The following INPP4B variants were observed in gnomAD, a reference collection of about 807,000 sequenced individuals.
INPP4B encodes the protein inositol polyphosphate-4-phosphatase type II B.
Under a neutral mutation model 122.5 loss-of-function variants are expected in INPP4B, and 55 were observed. The ratio of observed to expected loss-of-function variants is 0.45; its 90% CI spans 0.36 to 0.56. INPP4B has a LOEUF of 0.56. Among genes scored for constraint, INPP4B ranks in the 20% least tolerant of loss-of-function variants. INPP4B has a pLI of 0.00. For missense variants in INPP4B, 1,000 were observed against 1,097.7 expected, an observed-to-expected ratio of 0.91 and a Z score of 1.26; for synonymous variants, 403 against 388.7, an observed-to-expected ratio of 1.04 and a Z score of -0.43.
intron 1 of INPP4B, among the ~76,000 whole-genome samples, chr4:142,794,796 T>TA (rs769190965): frequency 2.0e-5 from 3 of 151,622 alleles, no homozygotes; most frequent in African/African-American, 4.8e-5. Flanking sequence ...AAAGGAGCAA[T>TA]AAAAAAACCC....
intron 23 of INPP4B, among the ~76,000 whole-genome samples, chr4:142,106,210 G>A (rs956580632): frequency 7.9e-5 from 12 of 152,198 alleles, no homozygotes; most frequent in Non-Finnish European, 4.4e-5. Flanking sequence ...TTTGCAAGGA[G>A]AGAAATATAT....
chr4:142,484,078 G>C (rs1025703829), intron 2 of INPP4B, among the ~76,000 whole-genome samples: 1 of 152,040 alleles, frequency 6.6e-6, no homozygotes, highest in African/African-American at 2.4e-5. Context: ...ATGCAGAAAG[G>C]AACACCTAAA....
intron 25 of INPP4B, chr4:142,030,324 G>T (rs1331966030): frequency 3.9e-6 from 6 of 1,530,230 alleles, no homozygotes; most frequent in Admixed American, 3.9e-5. Context: ...GGGGAAGTTG[G>T]GGGGGAAAAG....
intron 2 of INPP4B, among the ~76,000 whole-genome samples, chr4:142,474,959 A>C (rs992708315): frequency 1.3e-5 from 2 of 152,222 alleles, no homozygotes; most frequent in Admixed American, 1.3e-4. Flanking sequence ...ATAGCCAGAT[A>C]GGCCACACCT....
chr4:142,697,188 T>C (rs1761149991), intron 2 of INPP4B, among the ~76,000 whole-genome samples: 1 of 152,184 alleles, frequency 6.6e-6, no homozygotes, highest in African/African-American at 2.4e-5. Flanking sequence ...AAAGGAGACA[T>C]TTAAATTATA....
intron 12 of INPP4B, among the ~76,000 whole-genome samples, chr4:142,224,456 G>A (rs1850668353): frequency 6.6e-6 from 1 of 152,076 alleles, no homozygotes. Flanking sequence ...AATGTTTTAA[G>A]ATATAGAATC....
chr4:142,761,514 T>A (rs1289293680), intron 1 of INPP4B, among the ~76,000 whole-genome samples: 1 of 152,146 alleles, frequency 6.6e-6, no homozygotes, highest in Non-Finnish European at 1.5e-5. Flanking sequence ...AATAACTGAG[T>A]CATATTTTTT....
intron 2 of INPP4B, among the ~76,000 whole-genome samples, chr4:142,705,481 A>ACACACACACC (rs1356124836): frequency 1.3e-5 from 2 of 151,796 alleles, no homozygotes; most frequent in African/African-American, 4.8e-5. Flanking sequence ...ACACACACAC[A>ACACACACACC]CACACACACA....
chr4:142,359,001 G>C (rs905986623), intron 7 of INPP4B, among the ~76,000 whole-genome samples: 2 of 151,956 alleles, frequency 1.3e-5, no homozygotes, highest in Admixed American at 6.6e-5. Flanking sequence ...TTCTGACCTA[G>C]GTACTGCAAT....
intron 14 of INPP4B, among the ~76,000 whole-genome samples, chr4:142,196,074 T>G (rs1838091248): frequency 1.3e-5 from 2 of 152,210 alleles, no homozygotes; most frequent in Admixed American, 1.3e-4. Context: ...AGAAGCATGT[T>G]GTTTGAATAG....
At chr4:142,567,845 G>T (rs1325564948) in intron 2 of INPP4B, among the ~76,000 whole-genome samples, 1 of 151,896 alleles carries the variant, frequency 6.6e-6, no homozygotes, top group African/African-American at 2.4e-5. Flanking sequence ...AAATGAATAA[G>T]AAAAAAAGAA....
At chr4:142,646,773 C>A (rs1221217349) in intron 2 of INPP4B, among the ~76,000 whole-genome samples, 1 of 152,164 alleles carries the variant, frequency 6.6e-6, no homozygotes, top group African/African-American at 2.4e-5. Flanking sequence ...AGAAAGTAAC[C>A]AATCTAGATT....
rs531220849 is a variant in INPP4B, at chr4:142,480,575, C to T, written c.-190-17849G>A. Among the ~76,000 whole-genome samples, 36 of 152,276 alleles carry T rather than the reference C, an allele frequency of 2.4e-4. No homozygotes were observed. The South Asian group carries it at 7.5e-3, about 32-fold the overall frequency. On this transcript the variant is annotated intron_variant, in intron 2 of 25. Coordinates refer to ENST00000262992, the MANE Select transcript of INPP4B (RefSeq NM_001101669.3). ...ACAAGGATCTCTGCTGGCCATCTGG[C>T]CATCTCCACCGTAGTCCACTATAGT...
At chr4:142,678,382 G>A (rs1164165588) in intron 2 of INPP4B, among the ~76,000 whole-genome samples, 1 of 151,876 alleles carries the variant, frequency 6.6e-6, no homozygotes, top group Non-Finnish European at 1.5e-5. Flanking sequence ...AACCCCTCCT[G>A]AGAGGGGGTT....
intron 1 of INPP4B, among the ~76,000 whole-genome samples, chr4:142,789,359 A>G (rs1776211720): frequency 3.3e-5 from 5 of 152,108 alleles, no homozygotes; most frequent in Admixed American, 3.3e-4. Context: ...GAAAGTTCCT[A>G]GAACTGATAA....
intron 1 of INPP4B, among the ~76,000 whole-genome samples, chr4:142,824,248 C>T (rs985289509): frequency 2.6e-5 from 4 of 151,672 alleles, no homozygotes; most frequent in African/African-American, 9.7e-5. Context: ...GAGCCAATTC[C>T]CATAATAAAT....
intron 12 of INPP4B, among the ~76,000 whole-genome samples, chr4:142,230,276 A>C (rs1247354796): frequency 6.6e-6 from 1 of 152,202 alleles, no homozygotes; most frequent in Non-Finnish European, 1.5e-5. Context: ...TAAGGATGAT[A>C]ACAGAGAGTG....
chr4:142,648,595 G>C (rs555421116), intron 2 of INPP4B, among the ~76,000 whole-genome samples: 1 of 152,186 alleles, frequency 6.6e-6, no homozygotes, highest in East Asian at 1.9e-4. Context: ...ATGAAACTGC[G>C]AGGCAGCAGC....
rs772479684 is a variant in INPP4B, at chr4:142,237,889, G to A, written c.811C>T (p.Leu271Phe). The A allele has an allele frequency of 6.4e-7, 1 of 1,569,864 alleles. No homozygotes were observed. Among genetic ancestry groups the A allele is most frequent in the East Asian group, 2.3e-5 (1 of 44,368 alleles). ...CTGCACAAATCTTCTTTAATGTGAAGGGAAATCAATTCCTTAGGAATATGA... is the reference window on the plus strand; with the variant it reads ...CTGCACAAATCTTCTTTAATGTGAAAGGAAATCAATTCCTTAGGAATATGA... ...SFHIPKELIS[L>F]HIKEDLCRNQ... Residue 271 changes from leucine (L) to phenylalanine (F), a missense_variant, in exon 12 of 26, where the codon CTT becomes TTT. Physicochemically the swap from Leu to Phe is conservative, Grantham distance 22. Coordinates refer to ENST00000262992, the MANE Select transcript of INPP4B (RefSeq NM_001101669.3).
Sources: gnomAD v4.1 joint callset for allele counts (sites outside exome capture counted in the v4.1 genomes callset) on GRCh38, gnomAD v4.1.1 for gene constraint, MANE v1.5 for transcripts, NCBI Gene and HGNC (gene_info 2026-07-23, HGNC 2026-07-21) for gene names.